The following RBBP5 variants were observed in gnomAD, a reference collection of about 807,000 sequenced individuals.
RBBP5 encodes the protein retinoblastoma-binding protein 5.
In RBBP5, 5 loss-of-function variants were observed where a neutral mutation model predicts 72.2. That is an observed-to-expected ratio of 0.07 (90% confidence interval 0.04 to 0.15). The LOEUF is 0.15. Ranked by LOEUF, RBBP5 falls within the 10% of genes least tolerant of loss-of-function variation. The pLI is 1.00. For missense variants in RBBP5, 322 were observed against 652.2 expected (o/e 0.49, Z 5.51); for synonymous variants, 209 against 237.2 (o/e 0.88, Z 1.09).
At chr1:205,097,997 T>C (rs1271494213) in intron 10 of RBBP5, among the ~76,000 whole-genome samples, 1 of 152,162 alleles carries the variant, frequency 6.6e-6, no homozygotes, top group Non-Finnish European at 1.5e-5. Flanking sequence ...TACTATGTTA[T>C]AAAGCCCTGT....
intron 13 of RBBP5, among the ~76,000 whole-genome samples, chr1:205,093,289 G>A (rs558937930): frequency 2.7e-5 from 4 of 149,508 alleles, no homozygotes; most frequent in African/African-American, 4.9e-5. Context: ...GTGAAACCCC[G>A]TCTCTACTAA....
In RBBP5 at chr1:205,088,436, G is replaced by T; in HGVS notation, c.*351C>A. The stretch of plus-strand genomic sequence containing the variant: ...GCAAATGGGAGATAGGAAATGACAT[G>T]TCAAAATGACGCTGGGTACAATGAA... On this transcript the variant is annotated 3_prime_UTR_variant, in exon 14 of 14. Transcript: ENST00000264515. 1 of 216,904 alleles carries T rather than the reference G, an allele frequency of 4.6e-6. No individual in the cohort carries two copies. The highest frequency in any genetic ancestry group is 1.3e-4 in the East Asian group (1 of 7,972). The allele number at this position is 216,904 out of a possible 1,614,324, so 13.4% of individuals were successfully genotyped here.
intron 12 of RBBP5, among the ~76,000 whole-genome samples, chr1:205,095,398 T>A (rs770651398): frequency 9.2e-5 from 14 of 152,120 alleles, no homozygotes; most frequent in Non-Finnish European, 2.1e-4. Flanking sequence ...AAAAATCTCA[T>A]CAGCTATCAT....
chr1:205,107,052 ATGTATG>A (rs1183147115), intron 3 of RBBP5, among the ~76,000 whole-genome samples: 3 of 150,358 alleles, frequency 2.0e-5, no homozygotes, highest in East Asian at 1.9e-4. Context: ...ATGTGTGTAT[ATGTATG>A]TGTGTGTGTG....
At position 205,087,022 on chromosome 1, in the gene RBBP5, C is replaced by T. The variant is rs1047178511; in HGVS notation, c.*1765G>A. The T allele has an allele frequency of 6.6e-6, 1 of 152,122 alleles. No homozygotes were observed. The highest frequency in any genetic ancestry group is 2.4e-5 in the African/African-American group (1 of 41,426). 9.4% of individuals were successfully genotyped at this position (152,122 alleles called of 1,614,324 possible). A position where few individuals can be genotyped will look rare whatever the true frequency, so the allele number is the denominator to read the frequency against. On this transcript the variant is annotated 3_prime_UTR_variant, in exon 14 of 14. Transcript: ENST00000264515. Reference sequence around the variant, plus strand: ...AAGTAGTGGCATCTAAAAATATAGACGTTTTGCAACTGACTCAGGGAGAGC... The same window carrying T: ...AAGTAGTGGCATCTAAAAATATAGATGTTTTGCAACTGACTCAGGGAGAGC...
At chr1:205,093,586 A>C (rs1358186055) in intron 13 of RBBP5, among the ~76,000 whole-genome samples, 3 of 144,350 alleles carry the variant, frequency 2.1e-5, no homozygotes, top group Non-Finnish European at 4.5e-5. Context: ...ATATGTATAT[A>C]TACACAAACA....
intron 1 of RBBP5, among the ~76,000 whole-genome samples, chr1:205,121,458 T>C (rs1656734299): frequency 6.6e-6 from 1 of 152,212 alleles, no homozygotes; most frequent in Non-Finnish European, 1.5e-5. Context: ...AGACTTCTCT[T>C]TTCTACAAAA....
At chr1:205,111,926 T>C (rs1000533469) in intron 3 of RBBP5, among the ~76,000 whole-genome samples, 4 of 152,080 alleles carry the variant, frequency 2.6e-5, no homozygotes, top group African/African-American at 9.7e-5. Flanking sequence ...AGTTCCCCAT[T>C]GTACCATACT....
chr1:205,095,919 G>A (rs187353842), intron 12 of RBBP5, among the ~76,000 whole-genome samples: 13 of 152,314 alleles, frequency 8.5e-5, no homozygotes, highest in African/African-American at 2.4e-4. Flanking sequence ...AGGGCCGGGC[G>A]CAGTGGTTCA....
chr1:205,107,200 T>C (rs1176581368), intron 3 of RBBP5, among the ~76,000 whole-genome samples: 1 of 152,056 alleles, frequency 6.6e-6, no homozygotes, highest in Non-Finnish European at 1.5e-5. Flanking sequence ...GAATACAGAC[T>C]GGGATGTTAA....
At chr1:205,121,722 T>C in intron 1 of RBBP5, 133 bp downstream of exon 1, 1 of 1,427,788 alleles carries the variant, frequency 7.0e-7, no homozygotes, top group Non-Finnish European at 9.7e-7. Context: ...CCGCTGCTGC[T>C]CCACATCAGG....
At chr1:205,106,027 T>C (rs891757310) in intron 3 of RBBP5, among the ~76,000 whole-genome samples, 2 of 152,062 alleles carry the variant, frequency 1.3e-5, no homozygotes, top group Admixed American at 6.5e-5. Flanking sequence ...CAGTAGAGAA[T>C]CAGATTTGCA....
chr1:205,096,822 G>A lies in RBBP5; in HGVS notation c.1256C>T (p.Pro419Leu), dbSNP rs753539184. ...EDPEENPYGP[P>L]PDAVQTSLMD... ...CAAGGAGGTTTGGACTGCATCCGGT[G>A]GGGGGCCGTAAGGATTTTCTTCTGG... Residue 419 changes from proline (P) to leucine (L), a missense_variant, in exon 12 of 14, where the codon CCA becomes CTA. Pro to Leu is a moderately conservative substitution (Grantham distance 98). This residue lies in a region of RBBP5 where 109 missense variants were observed against 146.3 expected (regional missense o/e 0.75). Coordinates refer to ENST00000264515, the MANE Select transcript of RBBP5 (RefSeq NM_005057.4). 1 of 1,614,148 alleles carries A rather than the reference G, an allele frequency of 6.2e-7. No homozygotes were observed. The highest frequency in any genetic ancestry group is 8.5e-7 in the Non-Finnish European group (1 of 1,180,010).
At chr1:205,106,787 A>G (rs1656081706) in intron 3 of RBBP5, among the ~76,000 whole-genome samples, 1 of 152,214 alleles carries the variant, frequency 6.6e-6, no homozygotes. Flanking sequence ...TAATGCAGCC[A>G]TCATAAAAAT....
At position 205,088,778 on chromosome 1, in the gene RBBP5, C is replaced by T. The variant is rs369117417; in HGVS notation, c.*9G>A. 1.0e-5 allele frequency: 16 copies of T among 1,592,652 alleles called. No homozygotes were observed. The African/African-American group carries it at 1.2e-4, about 12-fold the overall frequency. ...CAAAGTGAGAAAGAATGAAGAACTT[C>T]GAAGGTCTTCATAACAGTTCTGAGA... On this transcript the variant is annotated 3_prime_UTR_variant, in exon 14 of 14. Coordinates refer to ENST00000264515, the MANE Select transcript of RBBP5 (RefSeq NM_005057.4).
intron 1 of RBBP5, among the ~76,000 whole-genome samples, chr1:205,119,722 T>C (rs1345889514): frequency 6.6e-6 from 1 of 152,218 alleles, no homozygotes. Context: ...ATCTGTACTC[T>C]CTTCTTCCTC....
At chr1:205,105,232 A>ATTTAGC in intron 3 of RBBP5, 64 bp from the exon 4 acceptor site, 1 of 1,550,024 alleles carries the variant, frequency 6.5e-7, no homozygotes, top group Non-Finnish European at 8.8e-7. Context: ...CTCATGAATA[A>ATTTAGC]ACTGTGTAAG....
intron 13 of RBBP5, among the ~76,000 whole-genome samples, chr1:205,090,766 C>G (rs932367500): frequency 1.3e-4 from 20 of 152,020 alleles, no homozygotes; most frequent in African/African-American, 4.4e-4. Context: ...GATTTCAAAC[C>G]CTACCTTAGT....
At chr1:205,110,343 C>T (rs1656265730) in intron 3 of RBBP5, among the ~76,000 whole-genome samples, 1 of 152,052 alleles carries the variant, frequency 6.6e-6, no homozygotes, top group South Asian at 2.1e-4. Context: ...TCTGCTTCTA[C>T]ATCCTGGGCC....
Sources: allele counts gnomAD v4.1 joint callset (sites outside exome capture counted in the v4.1 genomes callset), GRCh38; gene constraint gnomAD v4.1.1; regional missense constraint gnomAD v4.1.1; transcripts MANE v1.5; gene names NCBI Gene and HGNC (gene_info 2026-07-23, HGNC 2026-07-21).